Variants in UBE2F observed in about 807,000 individuals in gnomAD.
UBE2F encodes NEDD8-conjugating enzyme UBE2F.
In UBE2F, 5 loss-of-function variants were observed where a neutral mutation model predicts 29.6. The observed-to-expected ratio is 0.17, with a 90% confidence interval of 0.09 to 0.36. The LOEUF is 0.36. UBE2F is among the 10% of genes least tolerant of loss of function. The pLI, the probability that UBE2F is intolerant of heterozygous loss-of-function variation, is 1.00. For missense variants in UBE2F, 141 were observed against 228.5 expected (o/e 0.62, Z 2.47); for synonymous variants, 66 against 81.8 (o/e 0.81, Z 1.04).
intron 4 of UBE2F, among the ~76,000 whole-genome samples, chr2:237,995,653 A>G (rs959198208): frequency 1.3e-4 from 20 of 152,240 alleles, no homozygotes; most frequent in African/African-American, 4.8e-4. Context: ...GTAGGTGGCA[A>G]TGAACCCACA....
intron 9 of UBE2F, among the ~76,000 whole-genome samples, chr2:238,038,456 C>G (rs1309897765): frequency 6.6e-6 from 1 of 152,244 alleles, no homozygotes; most frequent in Non-Finnish European, 1.5e-5. Context: ...AAATGTGCCC[C>G]TTGGCCCACC....
intron 3 of UBE2F, among the ~76,000 whole-genome samples, chr2:237,988,313 T>G (rs1473689895): frequency 6.6e-6 from 1 of 151,964 alleles, no homozygotes; most frequent in Non-Finnish European, 1.5e-5. Context: ...CTGAGCATGG[T>G]GGCGCATGCC....
intron 3 of UBE2F, among the ~76,000 whole-genome samples, chr2:237,991,609 CTT>C (rs774476848): frequency 1.9e-5 from 1 of 53,048 alleles, no homozygotes; most frequent in Non-Finnish European, 3.5e-5. Context: ...TTCTTTCTTT[CTT>C]TTTTTTTTTT....
At chr2:238,026,266 T>G (rs1462676145) in intron 6 of UBE2F, among the ~76,000 whole-genome samples, 1 of 152,226 alleles carries the variant, frequency 6.6e-6, no homozygotes, top group Non-Finnish European at 1.5e-5. Context: ...AAGTGTTTTC[T>G]TAGCACATTT....
intron 9 of UBE2F, among the ~76,000 whole-genome samples, chr2:238,039,341 G>A (rs11695668): frequency 0.31 from 47,936 of 152,206 alleles, 9,380 homozygotes; most frequent in Admixed American, 0.42. Flanking sequence ...AGAGAGGAGC[G>A]CTCCAGAAAA....
intron 4 of UBE2F, among the ~76,000 whole-genome samples, chr2:238,006,071 A>G (rs1251453320): frequency 6.6e-6 from 1 of 152,202 alleles, no homozygotes; most frequent in Non-Finnish European, 1.5e-5. Context: ...TGTGAAGAAG[A>G]GGCTAATTTT....
intron 4 of UBE2F, among the ~76,000 whole-genome samples, chr2:238,010,002 T>C (rs375888989): frequency 7.0e-4 from 107 of 152,232 alleles, no homozygotes; most frequent in Non-Finnish European, 1.4e-3. Flanking sequence ...TCTACTTCAC[T>C]GGCTGGAAAA....
Position 237,967,188 on chromosome 2 carries a change from G to A in UBE2F, c.-17+56G>A. 2 of 1,093,166 alleles carry A rather than the reference G, an allele frequency of 1.8e-6. No homozygotes were observed. The highest frequency in any genetic ancestry group is 5.0e-5 in the East Asian group (1 of 19,944). The allele number at this position is 1,093,166 out of a possible 1,614,324, so 67.7% of individuals were successfully genotyped here. ...GGCGAGGTGCGGCCGCCGGTGCACG[G>A]GCTGGCCTGCGGGCCGGGCGGAGGG... On this transcript the variant is annotated intron_variant, in intron 1 of 9. Transcript: ENST00000272930. This position sits in a 1 kb window ranked among gnomAD's most constrained non-coding sequence, Gnocchi z 6.3.
intron 2 of UBE2F, among the ~76,000 whole-genome samples, chr2:237,986,009 G>A (rs2063474815): frequency 6.6e-6 from 1 of 151,142 alleles, no homozygotes. Context: ...GTCTATTCAT[G>A]TTTTTTGCCC....
intron 5 of UBE2F, among the ~76,000 whole-genome samples, chr2:238,021,533 CATA>C (rs1417461229): frequency 1.3e-5 from 2 of 152,208 alleles, no homozygotes; most frequent in African/African-American, 4.8e-5. Context: ...GCTTTCCCGT[CATA>C]ATATGATGGA....
chr2:237,994,399 G>T (rs528719366), intron 3 of UBE2F, among the ~76,000 whole-genome samples: 2 of 152,262 alleles, frequency 1.3e-5, no homozygotes, highest in South Asian at 4.1e-4. Flanking sequence ...TTGCCTGCAT[G>T]TATTAATCTC....
chr2:238,022,358 C>G (rs1487033624), intron 5 of UBE2F, among the ~76,000 whole-genome samples: 1 of 152,070 alleles, frequency 6.6e-6, no homozygotes, highest in African/African-American at 2.4e-5. Context: ...GCTATTATGT[C>G]CTTTGCCCAT....
At chr2:238,015,719 G>T (rs537321965) in intron 4 of UBE2F, among the ~76,000 whole-genome samples, 1 of 152,260 alleles carries the variant, frequency 6.6e-6, no homozygotes, top group South Asian at 2.1e-4. Flanking sequence ...TATTTTAGGG[G>T]AAGTTGAATT....
At chr2:238,030,510 A>G in intron 6 of UBE2F, 46 bp from the exon 7 acceptor site, 1 of 1,460,064 alleles carries the variant, frequency 6.8e-7, no homozygotes, top group South Asian at 1.2e-5. Flanking sequence ...CGTGCAGGGC[A>G]CCTGTGGCTG....
Position 237,988,822 on chromosome 2 carries a change from T to C in UBE2F, c.148+830T>C, listed in dbSNP as rs145195397. The stretch of plus-strand genomic sequence containing the variant: ...AGCTTTTTGGCAAAGTTCTCATTTG[T>C]AACTTGTCTGCATGTTTGAGGGGTG... On this transcript the variant is annotated intron_variant, in intron 3 of 9. Transcript: ENST00000272930. 1.4e-4 allele frequency among the ~76,000 whole-genome samples: 22 copies of C among 152,306 alleles called. No homozygotes were observed. In the East Asian group the frequency reaches 2.7e-3, roughly 19 times the overall value.
At chr2:238,018,666 A>C (rs1320689650) in intron 5 of UBE2F, among the ~76,000 whole-genome samples, 1 of 152,190 alleles carries the variant, frequency 6.6e-6, no homozygotes, top group Non-Finnish European at 1.5e-5. Flanking sequence ...CCCGGGTTCA[A>C]GCAATTCTCC....
At position 238,034,313 on chromosome 2, in the gene UBE2F, A is replaced by G. The variant is rs547196634; in HGVS notation, c.445-1565A>G. On this transcript the variant is annotated intron_variant, in intron 8 of 9. Transcript: ENST00000272930. ...CGTGGTGGCGGGCGCCTGTAATCCC[A>G]GCTACTTGGCAGGCTGAGGCAGGAG... 8.0e-4 allele frequency among the ~76,000 whole-genome samples: 121 copies of G among 151,874 alleles called. No individual in the cohort carries two copies. In the Middle Eastern group the frequency reaches 0.027, roughly 34 times the overall value.
chr2:238,041,298 G>A lies in UBE2F; in HGVS notation c.518G>A (p.Arg173Gln), dbSNP rs1576649544. The A allele has an allele frequency of 6.2e-6, 10 of 1,613,724 alleles. No individual in the cohort carries two copies. Among genetic ancestry groups the A allele is most frequent in the South Asian group, 4.4e-5 (4 of 91,078 alleles). ...EHHLRDKEDF[R>Q]NKVDDYIKRY... Reference sequence around the variant, plus strand: ...GCTGTTACTCCACAGGAGGACTTCCGGAATAAAGTGGATGACTACATCAAA... The same window carrying A: ...GCTGTTACTCCACAGGAGGACTTCCAGAATAAAGTGGATGACTACATCAAA... Residue 173 changes from arginine to glutamine, a missense_variant, in exon 10 of 10, where the codon CGG becomes CAG. Coordinates refer to ENST00000272930, the MANE Select transcript of UBE2F (RefSeq NM_080678.3).
At chr2:237,987,128 A>G (rs2063494745) in intron 2 of UBE2F, among the ~76,000 whole-genome samples, 1 of 152,196 alleles carries the variant, frequency 6.6e-6, no homozygotes, top group South Asian at 2.1e-4. Flanking sequence ...TGAACAGAGT[A>G]TATATTTCCA....
Sources: allele counts gnomAD v4.1 joint callset (sites outside exome capture counted in the v4.1 genomes callset), GRCh38; gene constraint gnomAD v4.1.1; non-coding constraint Gnocchi (gnomAD v3.1); transcripts MANE v1.5; gene names NCBI Gene and HGNC (gene_info 2026-07-23, HGNC 2026-07-21).